Variants in CTNND2 observed in about 807,000 individuals in gnomAD.
CTNND2 encodes catenin delta-2.
In CTNND2, 22 loss-of-function variants were observed where a neutral mutation model predicts 144.4. That is an observed-to-expected ratio of 0.15 (90% CI 0.11 to 0.22). The LOEUF is 0.22. Ranked by LOEUF, CTNND2 falls within the 10% of genes least tolerant of loss-of-function variation. The pLI, the probability that CTNND2 is intolerant of heterozygous loss-of-function variation, is 1.00. For missense variants in CTNND2, 1,353 were observed against 1,618.8 expected, an observed-to-expected ratio of 0.84 and a Z score of 2.82; for synonymous variants, 751 against 695.6, an observed-to-expected ratio of 1.08 and a Z score of -1.25.
chr5:11,880,947 T>C (rs1736057417), intron 1 of CTNND2, among the ~76,000 whole-genome samples: 1 of 144,560 alleles, frequency 6.9e-6, no homozygotes, highest in South Asian at 2.1e-4. Context: ...CTACTAATAC[T>C]ACTACTACTA....
intron 1 of CTNND2, among the ~76,000 whole-genome samples, chr5:11,817,990 T>TTG (rs1554126325): frequency 1.7e-5 from 1 of 58,842 alleles, no homozygotes; most frequent in African/African-American, 3.8e-5. Context: ...TGTTTTTTTT[T>TTG]TTTTTTTTTT....
intron 1 of CTNND2, among the ~76,000 whole-genome samples, chr5:11,796,983 A>G (rs1791438598): frequency 6.6e-6 from 1 of 152,232 alleles, no homozygotes; most frequent in Non-Finnish European, 1.5e-5. Flanking sequence ...TATTGTCCAT[A>G]AACACTGGAT....
At chr5:11,831,379 A>G (rs985937351) in intron 1 of CTNND2, among the ~76,000 whole-genome samples, 12 of 152,100 alleles carry the variant, frequency 7.9e-5, no homozygotes, top group African/African-American at 2.7e-4. Context: ...TGAGGAGGAA[A>G]AAAGAGTTGC....
intron 3 of CTNND2, among the ~76,000 whole-genome samples, chr5:11,467,929 T>C (rs1766825179): frequency 6.6e-6 from 1 of 152,222 alleles, no homozygotes; most frequent in African/African-American, 2.4e-5. Flanking sequence ...CAAAAAATAA[T>C]AGGATAAAAA....
rs11375278 is a variant in CTNND2 at position 11,035,855 on chromosome 5, G to GAA, written c.2789-12878_2789-12877dup. On this transcript the variant is annotated intron_variant, in intron 16 of 21. Transcript: ENST00000304623. ...TATAATGCCTGGAAATAATGAACTT[G>GAA]AAAAAAAAAAACAATGAAAGGTGTC... is the stretch of plus-strand genomic sequence containing the variant. Among the ~76,000 whole-genome samples the GAA allele has an allele frequency of 2.2e-3, 322 of 148,100 alleles. 1 individual carries two copies. Among genetic ancestry groups the GAA allele is most frequent in the African/African-American group, 3.2e-3 (129 of 40,536 alleles).
chr5:11,575,986 A>C (rs1197461541), intron 2 of CTNND2, among the ~76,000 whole-genome samples: 1 of 152,108 alleles, frequency 6.6e-6, no homozygotes, highest in Non-Finnish European at 1.5e-5. Context: ...CAAATCCTAC[A>C]AACCTACTCC....
intron 2 of CTNND2, among the ~76,000 whole-genome samples, chr5:11,707,203 A>G (rs1348536514): frequency 6.6e-6 from 1 of 152,072 alleles, no homozygotes; most frequent in African/African-American, 2.4e-5. Context: ...TGTATCAGTA[A>G]TTAGTTTTTT....
At chr5:11,612,669 G>C (rs970146821) in intron 2 of CTNND2, among the ~76,000 whole-genome samples, 3 of 152,116 alleles carry the variant, frequency 2.0e-5, no homozygotes, top group Admixed American at 6.5e-5. Flanking sequence ...AAGGGCCAAG[G>C]TGGGAGGATT....
intron 3 of CTNND2, among the ~76,000 whole-genome samples, chr5:11,475,099 C>A (rs1767591850): frequency 6.6e-6 from 1 of 152,200 alleles, no homozygotes. Flanking sequence ...TCAGGTATTA[C>A]CGCCATTCTC....
chr5:11,444,754 A>G (rs1188413582), intron 3 of CTNND2, among the ~76,000 whole-genome samples: 4 of 152,222 alleles, frequency 2.6e-5, no homozygotes, highest in Non-Finnish European at 4.4e-5. Context: ...TTTGAAGCAT[A>G]GTAAAGACAA....
chr5:11,460,528 CACTA>C (rs545685124), intron 3 of CTNND2, among the ~76,000 whole-genome samples: 336 of 152,298 alleles, frequency 2.2e-3, no homozygotes, highest in Non-Finnish European at 3.0e-3. Flanking sequence ...ATGCTGTCCC[CACTA>C]ACTGAGTGAT....
Position 11,679,133 on chromosome 5 carries a change from CA to C in CTNND2, c.174+53002del, listed in dbSNP as rs376838955. 4.1e-3 allele frequency among the ~76,000 whole-genome samples: 628 copies of C among 152,038 alleles called. 9 individuals are homozygous for C. The highest frequency in any genetic ancestry group is 0.015 in the African/African-American group (608 of 41,462). ...CTATCCAGGAACCAATCAGTGTGATCAGGGAGATAAGATCCTAGATGGGCCA... is the reference window on the plus strand; with the variant it reads ...CTATCCAGGAACCAATCAGTGTGATCGGGAGATAAGATCCTAGATGGGCCA... On this transcript the variant is annotated intron_variant, in intron 2 of 21. Coordinates refer to ENST00000304623, the MANE Select transcript of CTNND2 (RefSeq NM_001332.4).
At chr5:11,026,688 A>G (rs576670431) in intron 16 of CTNND2, among the ~76,000 whole-genome samples, 2 of 152,334 alleles carry the variant, frequency 1.3e-5, no homozygotes, top group African/African-American at 4.8e-5. Context: ...TTTGATTAAA[A>G]GATATGACAC....
intron 9 of CTNND2, among the ~76,000 whole-genome samples, chr5:11,316,439 C>T (rs956592794): frequency 2.0e-5 from 3 of 150,072 alleles, no homozygotes; most frequent in South Asian, 2.1e-4. Context: ...TTGGGGGCTC[C>T]GTGAGGTAGG....
intron 1 of CTNND2, among the ~76,000 whole-genome samples, chr5:11,834,679 T>C (rs1041700270): frequency 1.3e-5 from 2 of 152,224 alleles, no homozygotes; most frequent in Admixed American, 1.3e-4. Context: ...ATTGTGAATA[T>C]ACCTTTTATT....
intron 18 of CTNND2, among the ~76,000 whole-genome samples, chr5:11,006,580 T>G (rs377475360): frequency 6.6e-6 from 1 of 152,302 alleles, no homozygotes; most frequent in South Asian, 2.1e-4. Flanking sequence ...CGTGTTACAG[T>G]GGGGAGCCCT....
At chr5:11,529,649 C>T (rs1341202015) in intron 3 of CTNND2, among the ~76,000 whole-genome samples, 2 of 152,184 alleles carry the variant, frequency 1.3e-5, no homozygotes, top group Non-Finnish European at 2.9e-5. Context: ...TTTAGCATAA[C>T]TATGAATATG....
At chr5:11,156,296 CTT>C (rs373393281) in intron 12 of CTNND2, among the ~76,000 whole-genome samples, 23 of 152,184 alleles carry the variant, frequency 1.5e-4, no homozygotes, top group African/African-American at 5.1e-4. Context: ...AAGGTGACCT[CTT>C]TAAAAACACT....
chr5:11,580,170 A>G (rs1309270363), intron 2 of CTNND2, among the ~76,000 whole-genome samples: 1 of 151,868 alleles, frequency 6.6e-6, no homozygotes, highest in Admixed American at 6.6e-5. Context: ...CCCACAGTGG[A>G]CTGACTACTC....
Sources: gnomAD v4.1 joint callset for allele counts (sites outside exome capture counted in the v4.1 genomes callset) on GRCh38, gnomAD v4.1.1 for gene constraint, MANE v1.5 for transcripts, NCBI Gene and HGNC (gene_info 2026-07-23, HGNC 2026-07-21) for gene names.